Variants in PLA2G4A observed in about 807,000 individuals in gnomAD.
PLA2G4A encodes the protein phospholipase A2 group IVA.
PLA2G4A carries 40 observed loss-of-function variants against 81.9 expected under a neutral mutation model. The observed-to-expected ratio is 0.49, with a 90% CI of 0.38 to 0.64. The LOEUF is 0.64. Ranked by LOEUF, PLA2G4A falls within the 30% of genes least tolerant of loss-of-function variation. The pLI is 0.00. For missense variants in PLA2G4A, 715 were observed against 905.1 expected (o/e 0.79, Z 2.69); for synonymous variants, 302 against 296.9 (o/e 1.02, Z -0.18).
chr1:186,856,993 A>T (rs1228600416), intron 2 of PLA2G4A, among the ~76,000 whole-genome samples: 1 of 144,154 alleles, frequency 6.9e-6, no homozygotes, highest in East Asian at 2.1e-4. Context: ...GAATGACTTT[A>T]ACTCTTCTAC....
At chr1:186,845,039 A>G (rs970733205) in intron 1 of PLA2G4A, among the ~76,000 whole-genome samples, 5 of 152,066 alleles carry the variant, frequency 3.3e-5, no homozygotes, top group Non-Finnish European at 2.9e-5. Context: ...GTGAAAACCC[A>G]TGTCTACTAA....
intron 2 of PLA2G4A, among the ~76,000 whole-genome samples, chr1:186,868,071 C>CTTTTTT (rs59978011): frequency 2.7e-5 from 3 of 112,926 alleles, no homozygotes; most frequent in Admixed American, 1.0e-4. Flanking sequence ...GTGTATAATT[C>CTTTTTT]TTTTTTTTTT....
chr1:186,848,487 C>A (rs933574272), intron 1 of PLA2G4A, among the ~76,000 whole-genome samples: 3 of 152,118 alleles, frequency 2.0e-5, no homozygotes, highest in African/African-American at 7.2e-5. Flanking sequence ...ACGAACCCGG[C>A]ATTTCAATGT....
intron 8 of PLA2G4A, among the ~76,000 whole-genome samples, chr1:186,938,156 A>T (rs926428147): frequency 1.3e-5 from 2 of 152,162 alleles, no homozygotes; most frequent in Non-Finnish European, 2.9e-5. Flanking sequence ...AGGCTAAAAA[A>T]GATGAATAAA....
chr1:186,899,282 G>A (rs1654454297), intron 5 of PLA2G4A, among the ~76,000 whole-genome samples: 1 of 152,194 alleles, frequency 6.6e-6, no homozygotes, highest in African/African-American at 2.4e-5. Flanking sequence ...GTAACAGCAA[G>A]TAGGAGAGTG....
rs987478178 is a variant in PLA2G4A at position 186,988,592 on chromosome 1, A to G, written c.*84A>G. ...AACTGGATTTAAAAGTACAGTACAG[A>G]TAGTCGTACTGATCATGAGAGACTG... is the stretch of plus-strand genomic sequence containing the variant. On this transcript the variant is annotated 3_prime_UTR_variant, in exon 18 of 18. Coordinates refer to ENST00000367466, the MANE Select transcript of PLA2G4A (RefSeq NM_024420.3). 14 of 1,173,676 alleles carry G rather than the reference A, an allele frequency of 1.2e-5. No individual in the cohort carries two copies. The highest frequency in any genetic ancestry group is 1.6e-5 in the Non-Finnish European group (13 of 787,890). The allele number at this position is 1,173,676 out of a possible 1,614,324, so 72.7% of individuals were successfully genotyped here. A position where few individuals can be genotyped will look rare whatever the true frequency, so the allele number is the denominator to read the frequency against.
At chr1:186,885,833 A>G (rs2064115) in intron 3 of PLA2G4A, among the ~76,000 whole-genome samples, 28,749 of 152,024 alleles carry the variant, frequency 0.19, 3,884 homozygotes, top group East Asian at 0.51. Context: ...CTGAAAAATA[A>G]GTCTATAGAA....
intron 14 of PLA2G4A, among the ~76,000 whole-genome samples, chr1:186,964,005 A>G (rs542973115): frequency 2.0e-5 from 3 of 152,286 alleles, no homozygotes; most frequent in East Asian, 3.9e-4. Context: ...ACTATAGGAG[A>G]ATTATAGTAT....
At chr1:186,970,697 G>A (rs998034301) in intron 15 of PLA2G4A, among the ~76,000 whole-genome samples, 1 of 151,948 alleles carries the variant, frequency 6.6e-6, no homozygotes, top group African/African-American at 2.4e-5. Context: ...GGGCAACTTT[G>A]TTGCAAATGA....
rs1558409935 is a variant in PLA2G4A at position 186,894,171 on chromosome 1, A to G, written c.338A>G (p.Lys113Arg). The G allele has an allele frequency of 2.0e-6, 3 of 1,484,584 alleles. No individual in the cohort carries two copies. Among genetic ancestry groups the G allele is most frequent in the Non-Finnish European group, 2.8e-6 (3 of 1,061,862 alleles). The allele number at this position is 1,484,584 out of a possible 1,614,324, so 92.0% of individuals were successfully genotyped here. Residue 113 changes from lysine (K) to arginine (R), a missense_variant, in exon 5 of 18, where the codon AAG becomes AGG. By Grantham distance (26) the Lys-to-Arg change is conservative. Coordinates refer to ENST00000367466, the MANE Select transcript of PLA2G4A (RefSeq NM_024420.3). ...GTATFTVSSM[K>R]VGEKKEVPFI... ...GCAACATTTACTGTATCTTCTATGAAGGTGGGAGAAAAGAAAGAAGTTCCT... is the reference window on the plus strand; with the variant it reads ...GCAACATTTACTGTATCTTCTATGAGGGTGGGAGAAAAGAAAGAAGTTCCT...
chr1:186,871,512 C>T (rs1398927766), intron 3 of PLA2G4A, among the ~76,000 whole-genome samples: 2 of 152,088 alleles, frequency 1.3e-5, no homozygotes, highest in African/African-American at 4.8e-5. Flanking sequence ...GCCCAAATGA[C>T]ATTTAAACTG....
At chr1:186,873,250 G>A (rs996994902) in intron 3 of PLA2G4A, among the ~76,000 whole-genome samples, 6 of 152,064 alleles carry the variant, frequency 3.9e-5, no homozygotes, top group Admixed American at 3.9e-4. Context: ...TTTTCTGAGA[G>A]GAATTTTGAT....
intron 14 of PLA2G4A, among the ~76,000 whole-genome samples, chr1:186,960,749 T>A (rs891260250): frequency 1.3e-5 from 2 of 152,190 alleles, no homozygotes; most frequent in Admixed American, 6.5e-5. Flanking sequence ...AATTTACTTA[T>A]AAAATAAAAA....
intron 13 of PLA2G4A, among the ~76,000 whole-genome samples, chr1:186,955,721 C>A (rs1656721873): frequency 1.4e-5 from 2 of 141,864 alleles, no homozygotes; most frequent in Admixed American, 7.3e-5. Context: ...ATTCAATTAT[C>A]CAAAGAAGAT....
At chr1:186,902,921 T>C (rs1158425771) in intron 5 of PLA2G4A, among the ~76,000 whole-genome samples, 1 of 151,902 alleles carries the variant, frequency 6.6e-6, no homozygotes, top group East Asian at 1.9e-4. Flanking sequence ...AGAAAAATGA[T>C]TTTACCAGTG....
chr1:186,881,033 C>T (rs12720523), intron 3 of PLA2G4A, among the ~76,000 whole-genome samples: 1 of 151,978 alleles, frequency 6.6e-6, no homozygotes, highest in African/African-American at 2.4e-5. Flanking sequence ...TATACCAACT[C>T]TCAGTTAGCT....
At chr1:186,955,275 T>C (rs1656705397) in intron 13 of PLA2G4A, among the ~76,000 whole-genome samples, 1 of 152,192 alleles carries the variant, frequency 6.6e-6, no homozygotes, top group East Asian at 1.9e-4. Flanking sequence ...GGTCATAAGA[T>C]CAATAGGTCA....
intron 7 of PLA2G4A, among the ~76,000 whole-genome samples, chr1:186,921,399 A>G (rs189218197): frequency 6.6e-6 from 1 of 152,326 alleles, no homozygotes; most frequent in East Asian, 1.9e-4. Context: ...GAGGCTTTTC[A>G]GTGTAAGATG....
intron 1 of PLA2G4A, among the ~76,000 whole-genome samples, chr1:186,839,182 A>T (rs1651891383): frequency 6.6e-6 from 1 of 152,212 alleles, no homozygotes; most frequent in African/African-American, 2.4e-5. Context: ...GGAAGCAGTG[A>T]GTCTGTGCGG....
Sources: gnomAD v4.1 joint callset for allele counts (sites outside exome capture counted in the v4.1 genomes callset) on GRCh38, gnomAD v4.1.1 for gene constraint, MANE v1.5 for transcripts, NCBI Gene and HGNC (gene_info 2026-07-23, HGNC 2026-07-21) for gene names.